Variants in PUM3 observed in about 807,000 individuals in gnomAD.
PUM3 encodes pumilio RNA binding family member 3, also known as pumilio homolog 3.
A neutral mutation model predicts 84.0 loss-of-function variants in PUM3; 91 were observed. The ratio of observed to expected loss-of-function variants is 1.08; its 90% confidence interval spans 0.91 to 1.29. The LOEUF (loss-of-function observed/expected upper bound fraction) is 1.29. Among genes scored for constraint, PUM3 ranks in the 50% most tolerant of loss-of-function variants. PUM3 has a pLI of 0.00. For missense variants in PUM3, 1,067 were observed against 767.5 expected (o/e 1.39, Z -4.61); for synonymous variants, 321 against 266.7 (o/e 1.20, Z -1.98).
intron 10 of PUM3, among the ~76,000 whole-genome samples, chr9:2,825,631 C>T (rs574387448): frequency 2.6e-5 from 4 of 152,076 alleles, no homozygotes; most frequent in Non-Finnish European, 5.9e-5. Context: ...TACAGGTGCC[C>T]GCCACCACCC....
chr9:2,834,093 G>A lies in PUM3; in HGVS notation c.378C>T (p.Leu126=), dbSNP rs776617998. The A allele has an allele frequency of 2.5e-6, 4 of 1,613,732 alleles. No individual in the cohort carries two copies. In the East Asian group the frequency reaches 8.9e-5, roughly 36 times the overall value. ...CAATGTCATAGTTGGTTTTATCACT[G>A]AGTTGTCTGCTTTGCTTCAGTTCTT... ...KKKELKQSRQ[L]SDKTNYDIVV... Residue 126 remains leucine (L), a synonymous_variant, in exon 4 of 18, where the codon CTC becomes CTT. Transcript: ENST00000397885.
chr9:2,833,704 A>T (rs1279590905), intron 4 of PUM3, among the ~76,000 whole-genome samples: 2 of 152,212 alleles, frequency 1.3e-5, no homozygotes, highest in African/African-American at 2.4e-5. Context: ...AATAAAACAA[A>T]TCTAAGATAA....
chr9:2,824,030 T>A (rs1041719198), intron 11 of PUM3, among the ~76,000 whole-genome samples, 196 bp from the exon 12 acceptor site: 3 of 151,894 alleles, frequency 2.0e-5, no homozygotes, highest in Non-Finnish European at 2.9e-5. Context: ...ATTACAAGCT[T>A]AGATGTGTAT....
At chr9:2,842,850 A>C (rs1276704673) in intron 1 of PUM3, among the ~76,000 whole-genome samples, 2 of 152,170 alleles carry the variant, frequency 1.3e-5, no homozygotes, top group African/African-American at 2.4e-5. Flanking sequence ...AAACAACAAT[A>C]TACTATTTTT....
chr9:2,805,837 A>G (rs1487531861), intron 17 of PUM3, among the ~76,000 whole-genome samples: 2 of 151,954 alleles, frequency 1.3e-5, no homozygotes, highest in African/African-American at 4.8e-5. Context: ...AAAGCTGAAT[A>G]ATTTTCCCAA....
At chr9:2,841,351 G>A (rs59932029) in intron 1 of PUM3, among the ~76,000 whole-genome samples, 14,185 of 152,148 alleles carry the variant, frequency 0.093, 1,137 homozygotes, top group African/African-American at 0.21. Flanking sequence ...GGGAGGCTGA[G>A]GCAGGTGGAT....
In PUM3 at chr9:2,837,619, G is replaced by T. The variant is rs114945875; in HGVS notation, c.83-218C>A. ...ATTATAAAACCACCTAGAGAGTAGA[G>T]AAATGTAAAATAAAAGCTACCCATG... On this transcript the variant is annotated intron_variant, in intron 2 of 17. Coordinates refer to ENST00000397885, the MANE Select transcript of PUM3 (RefSeq NM_014878.5). Among the ~76,000 whole-genome samples the T allele has an allele frequency of 2.7e-3, 414 of 152,104 alleles. 1 individual carries two copies. Among genetic ancestry groups the T allele is most frequent in the African/African-American group, 9.1e-3 (376 of 41,506 alleles).
At chr9:2,812,424 G>A in intron 13 of PUM3, 62 bp from the exon 14 acceptor site, 2 of 1,148,470 alleles carry the variant, frequency 1.7e-6, no homozygotes, top group South Asian at 1.4e-5. Context: ...AAGTACCACA[G>A]GACCTTTCTT....
At chr9:2,838,546 A>T (rs771161231) in intron 1 of PUM3, 29 bp from the exon 2 acceptor site, 1 of 1,351,138 alleles carries the variant, frequency 7.4e-7, no homozygotes, top group South Asian at 1.2e-5. Flanking sequence ...AACCAAAAAC[A>T]ATCACTGCAG....
At chr9:2,814,845 A>T (rs1417649887) in intron 13 of PUM3, among the ~76,000 whole-genome samples, 1 of 152,228 alleles carries the variant, frequency 6.6e-6, no homozygotes, top group Non-Finnish European at 1.5e-5. Context: ...GTATGTAGTG[A>T]ACAACTATAA....
At chr9:2,804,807 AG>A (rs984246936) in intron 17 of PUM3, among the ~76,000 whole-genome samples, 1 of 152,152 alleles carries the variant, frequency 6.6e-6, no homozygotes, top group African/African-American at 2.4e-5. Flanking sequence ...TCCCCATCTC[AG>A]GACTATAAGC....
At chr9:2,836,482 T>C (rs1019307345) in intron 3 of PUM3, among the ~76,000 whole-genome samples, 5 of 152,164 alleles carry the variant, frequency 3.3e-5, no homozygotes, top group African/African-American at 7.2e-5. Flanking sequence ...CTGAACATCG[T>C]TGACAGAGAT....
At chr9:2,819,101 T>G (rs1215679345) in intron 13 of PUM3, among the ~76,000 whole-genome samples, 4 of 152,208 alleles carry the variant, frequency 2.6e-5, no homozygotes. Flanking sequence ...CTATACAGAT[T>G]ATGTGGTTTT....
Position 2,830,067 on chromosome 9 carries a change from T to G in PUM3, c.678-119A>C, listed in dbSNP as rs1815934604. On this transcript the variant is annotated intron_variant, in intron 7 of 17. Transcript: ENST00000397885. ...AATCTGTGTCACTCTGAGGAGTAAA[T>G]GAGCTAGCATGCATTGAGAAGCTGT... 3 of 771,740 alleles carry G rather than the reference T, an allele frequency of 3.9e-6. No individual in the cohort carries two copies. In the East Asian group the frequency reaches 7.8e-5, roughly 20 times the overall value. The allele number at this position is 771,740 out of a possible 1,614,324, so 47.8% of individuals were successfully genotyped here.
rs539071324 is a variant in PUM3, at chr9:2,826,606, T to A, written c.1035+467A>T. Among the ~76,000 whole-genome samples the A allele has an allele frequency of 5.9e-5, 9 of 152,338 alleles. No individual in the cohort carries two copies. In the East Asian group the frequency reaches 1.5e-3, roughly 26 times the overall value. On this transcript the variant is annotated intron_variant, in intron 10 of 17. Transcript: ENST00000397885. ...TCTCATTTGTATTCCCATGACTGAC[T>A]TGAAGGGCAGTGCAATTTACCTTCA...
intron 1 of PUM3, among the ~76,000 whole-genome samples, chr9:2,842,658 T>C (rs995797262): frequency 1.2e-4 from 19 of 152,190 alleles, no homozygotes; most frequent in Non-Finnish European, 1.9e-4. Context: ...TCCAATCTCC[T>C]GGCTTTTTAT....
chr9:2,820,219 A>G, intron 12 of PUM3, 121 bp from the exon 13 acceptor site: 1 of 522,640 alleles, frequency 1.9e-6, no homozygotes, highest in Non-Finnish European at 3.4e-6. Context: ...AAAAAAAAAA[A>G]AGATTACCTA....
chr9:2,843,729 C>A (rs369329292), intron 1 of PUM3, among the ~76,000 whole-genome samples: 3 of 152,018 alleles, frequency 2.0e-5, no homozygotes, highest in Non-Finnish European at 4.4e-5. Context: ...CAGGCGCCCG[C>A]CACCATGCCC....
At position 2,811,495 on chromosome 9, in the gene PUM3, C is replaced by T. The variant is rs1487237391; in HGVS notation, c.1501G>A (p.Val501Met). The T allele has an allele frequency of 1.9e-6, 3 of 1,614,200 alleles. No homozygotes were observed. Among genetic ancestry groups the T allele is most frequent in the Admixed American group, 3.3e-5 (2 of 60,032 alleles). ...ACACACGCAGACTTATCTAGCACCA[C>T]TTCTTGGGCGTGTTCTTGCAGGTAG... ...LSYLQEHAQE[V>M]VLDKSACVLV... The change falls in exon 15 of 18, where the codon GTG (valine) becomes ATG (methionine). Residue 501 changes from valine to methionine, a missense_variant. Transcript: ENST00000397885.
Sources: gnomAD v4.1 joint callset for allele counts (sites outside exome capture counted in the v4.1 genomes callset) on GRCh38, gnomAD v4.1.1 for gene constraint, MANE v1.5 for transcripts, NCBI Gene and HGNC (gene_info 2026-07-23, HGNC 2026-07-21) for gene names.